The following TNRC6B variants were observed in gnomAD, a reference collection of about 807,000 sequenced individuals.
The protein encoded by TNRC6B is trinucleotide repeat-containing gene 6B protein.
Under a neutral mutation model 203.6 loss-of-function variants are expected in TNRC6B, and 52 were observed. The observed-to-expected ratio is 0.26, with a 90% confidence interval of 0.20 to 0.32. The LOEUF (loss-of-function observed/expected upper bound fraction) is 0.32, where lower values mean the gene tolerates loss of function less well. TNRC6B is among the 10% of genes least tolerant of loss of function. The pLI, the probability that TNRC6B is intolerant of heterozygous loss-of-function variation, is 1.00. For synonymous variants in TNRC6B, 838 were observed against 845.7 expected (o/e 0.99, Z 0.16); for missense variants, 1,923 against 2,286.2 (o/e 0.84, Z 3.24).
At chr22:40,211,383 C>T (rs2069560882) in intron 1 of TNRC6B, among the ~76,000 whole-genome samples, 1 of 151,682 alleles carries the variant, frequency 6.6e-6, no homozygotes, top group African/African-American at 2.4e-5. Context: ...CCGGCCTGTT[C>T]TTTTTTTTCT....
chr22:40,251,605 G>C (rs530821093), intron 3 of TNRC6B, among the ~76,000 whole-genome samples: 3 of 152,170 alleles, frequency 2.0e-5, no homozygotes, highest in African/African-American at 4.8e-5. Flanking sequence ...TGTAATCCCA[G>C]CTCCTTGGGA....
chr22:40,234,356 G>T (rs888007580), intron 1 of TNRC6B, among the ~76,000 whole-genome samples: 1 of 151,782 alleles, frequency 6.6e-6, no homozygotes, highest in African/African-American at 2.4e-5. Context: ...ATAATGAGGC[G>T]AATGCTTGAT....
chr22:40,049,318 C>T (rs982729846), intron 1 of TNRC6B, among the ~76,000 whole-genome samples: 11 of 151,912 alleles, frequency 7.2e-5, no homozygotes, highest in African/African-American at 2.7e-4. Context: ...GCCACCGTGC[C>T]CAGTCAGCTT....
intron 1 of TNRC6B, among the ~76,000 whole-genome samples, chr22:40,235,297 T>C (rs1366212187): frequency 1.3e-5 from 2 of 152,278 alleles, no homozygotes; most frequent in Non-Finnish European, 1.5e-5. Context: ...GTGTGTGGGT[T>C]TATTAAATGG....
intron 11 of TNRC6B, among the ~76,000 whole-genome samples, 164 bp from the exon 12 acceptor site, chr22:40,285,481 T>C (rs545757824): frequency 3.3e-5 from 5 of 152,350 alleles, no homozygotes; most frequent in Admixed American, 1.3e-4. Flanking sequence ...ATCTGAGTAA[T>C]TGCCCCAAGC....
At chr22:40,294,912 G>C (rs879397597) in intron 12 of TNRC6B, among the ~76,000 whole-genome samples, 1 of 152,210 alleles carries the variant, frequency 6.6e-6, no homozygotes, top group Non-Finnish European at 1.5e-5. Flanking sequence ...CCCTGTAGTG[G>C]TGTGCTCACT....
chr22:40,045,550 C>A (rs1372750552), intron 1 of TNRC6B: 1 of 152,220 alleles, frequency 6.6e-6, no homozygotes, highest in Admixed American at 6.5e-5. Flanking sequence ...CGGGTCCCTG[C>A]GCAGCGTCCC....
intron 1 of TNRC6B, among the ~76,000 whole-genome samples, chr22:40,195,471 T>A (rs1258552843): frequency 6.6e-6 from 1 of 152,210 alleles, no homozygotes; most frequent in African/African-American, 2.4e-5. Context: ...CTCTTTTTTT[T>A]AATTTATTAG....
chr22:40,183,362 A>G (rs1015327508), intron 1 of TNRC6B, among the ~76,000 whole-genome samples: 26 of 152,264 alleles, frequency 1.7e-4, no homozygotes, highest in African/African-American at 5.8e-4. Flanking sequence ...AAGCCTGTAC[A>G]GTGATTGCAC....
intron 3 of TNRC6B, among the ~76,000 whole-genome samples, chr22:40,155,344 A>G (rs1418172331): frequency 6.6e-6 from 1 of 152,162 alleles, no homozygotes; most frequent in Non-Finnish European, 1.5e-5. Context: ...GCTGGAGTAC[A>G]GTGGCGTGAT....
chr22:40,299,919 C>T (rs968677401), intron 12 of TNRC6B, among the ~76,000 whole-genome samples: 3 of 152,226 alleles, frequency 2.0e-5, no homozygotes, highest in Admixed American at 2.0e-4. Flanking sequence ...AGGACCCTGC[C>T]GGGTCAGTGA....
chr22:40,233,019 G>A (rs909131114), intron 1 of TNRC6B, among the ~76,000 whole-genome samples: 4 of 151,976 alleles, frequency 2.6e-5, no homozygotes, highest in South Asian at 2.1e-4. Flanking sequence ...GTAGTGGTGC[G>A]CGCCTATAGT....
At chr22:40,083,945 G>C (rs2068081582) in intron 1 of TNRC6B, among the ~76,000 whole-genome samples, 1 of 152,096 alleles carries the variant, frequency 6.6e-6, no homozygotes, top group Non-Finnish European at 1.5e-5. Context: ...GAGAGTAGGA[G>C]AGCCAGCCTG....
In TNRC6B at chr22:40,326,974, A is replaced by G. The variant is rs933608628; in HGVS notation, c.*3733A>G. ...GAAGATCTGCTGCTTAATTATCCCC[A>G]TCCCTTAGCCGGAGATGTGGAGTGT... On this transcript the variant is annotated 3_prime_UTR_variant, in exon 23 of 23. Coordinates refer to ENST00000454349, the MANE Select transcript of TNRC6B (RefSeq NM_001162501.2). The G allele has an allele frequency of 6.6e-6, 1 of 152,566 alleles. No homozygotes were observed. The allele number at this position is 152,566 out of a possible 1,614,324, so 9.5% of individuals were successfully genotyped here. A position where few individuals can be genotyped will look rare whatever the true frequency, so the allele number is the denominator to read the frequency against.
chr22:40,098,127 T>G (rs545884849), intron 1 of TNRC6B, among the ~76,000 whole-genome samples: 12 of 152,280 alleles, frequency 7.9e-5, no homozygotes, highest in African/African-American at 2.6e-4. Context: ...GGCTCATGCC[T>G]GTAATCCCAG....
At chr22:40,205,778 T>A (rs1268065242) in intron 1 of TNRC6B, among the ~76,000 whole-genome samples, 1 of 152,210 alleles carries the variant, frequency 6.6e-6, no homozygotes, top group Non-Finnish European at 1.5e-5. Context: ...ACAGTAGTTT[T>A]GAATCCACAA....
At chr22:40,214,383 C>T (rs912668858) in intron 1 of TNRC6B, among the ~76,000 whole-genome samples, 1 of 151,908 alleles carries the variant, frequency 6.6e-6, no homozygotes. Flanking sequence ...CACACATAAA[C>T]GAGAGCCTGT....
At chr22:40,203,557 C>A (rs929647917) in intron 1 of TNRC6B, among the ~76,000 whole-genome samples, 9 of 152,024 alleles carry the variant, frequency 5.9e-5, no homozygotes, top group African/African-American at 2.2e-4. Context: ...CTAAAAAACT[C>A]TTTGATTACT....
At chr22:40,062,322 T>C (rs1052084888) in intron 1 of TNRC6B, among the ~76,000 whole-genome samples, 4 of 152,118 alleles carry the variant, frequency 2.6e-5, no homozygotes, top group Admixed American at 6.6e-5. Flanking sequence ...TGCCTTAGCC[T>C]CCTGAGTAGC....
Sources: allele counts gnomAD v4.1 joint callset (sites outside exome capture counted in the v4.1 genomes callset), GRCh38; gene constraint gnomAD v4.1.1; transcripts MANE v1.5; gene names NCBI Gene and HGNC (gene_info 2026-07-23, HGNC 2026-07-21).